Variants in PTPDC1 observed in about 807,000 individuals in gnomAD.
PTPDC1 encodes the protein protein tyrosine phosphatase domain containing 1, also known as protein tyrosine phosphatase domain-containing protein 1.
In PTPDC1, 53 loss-of-function variants were observed where a neutral mutation model predicts 75.3. The ratio of observed to expected loss-of-function variants is 0.70; its 90% confidence interval spans 0.56 to 0.88. The LOEUF (loss-of-function observed/expected upper bound fraction) is 0.88. Ranked by LOEUF, PTPDC1 falls within the 40% of genes least tolerant of loss-of-function variation. The pLI is 0.00. For missense variants in PTPDC1, 925 were observed against 998.6 expected, an observed-to-expected ratio of 0.93 and a Z score of 0.99; for synonymous variants, 349 against 366.2, an observed-to-expected ratio of 0.95 and a Z score of 0.54.
intron 1 of PTPDC1, among the ~76,000 whole-genome samples, chr9:94,061,394 G>A (rs1160110704): frequency 1.3e-5 from 2 of 152,172 alleles, no homozygotes; most frequent in Admixed American, 1.3e-4. Context: ...GTCATTCCAG[G>A]GTCTGGAAGA....
At position 94,098,538 on chromosome 9, in the gene PTPDC1, G is replaced by A. The variant is rs61755091; in HGVS notation, c.1972G>A (p.Val658Ile). 8.2e-3 allele frequency: 13,210 copies of A among 1,614,030 alleles called. 62 individuals are homozygous for A. The highest frequency in any genetic ancestry group is 0.012 in the Middle Eastern group (73 of 6,062). ...AKALANLNES[V>I]EKEELKRKVE... ...AGCCCTAGCAAATTTAAATGAATCT[G>A]TAGAAAAGGAGGAACTAAAAAGGAA... Residue 658 changes from valine (V) to isoleucine (I), a missense_variant, in exon 6 of 9, where the codon GTA (valine) becomes ATA (isoleucine). By Grantham distance (29) the Val-to-Ile change is conservative (BLOSUM62 3). Transcript: ENST00000620992.
intron 4 of PTPDC1, among the ~76,000 whole-genome samples, chr9:94,091,139 A>AG (rs1203583279): frequency 4.0e-5 from 6 of 151,100 alleles, no homozygotes; most frequent in Admixed American, 2.0e-4. Context: ...GTGGTGAGAG[A>AG]GGGCATCCCT....
intron 1 of PTPDC1, among the ~76,000 whole-genome samples, chr9:94,045,571 G>A (rs1825571454): frequency 6.6e-6 from 1 of 152,046 alleles, no homozygotes; most frequent in Non-Finnish European, 1.5e-5. Flanking sequence ...TTGTGGTTTT[G>A]ATTTGCATTT....
At chr9:94,106,271 G>A (rs1828021229) in intron 8 of PTPDC1, among the ~76,000 whole-genome samples, 1 of 152,198 alleles carries the variant, frequency 6.6e-6, no homozygotes, top group Non-Finnish European at 1.5e-5. Flanking sequence ...CAGATGCCCT[G>A]ACCACTCTCT....
At chr9:94,034,533 GA>G (rs1825203554) in intron 1 of PTPDC1, among the ~76,000 whole-genome samples, 1 of 151,924 alleles carries the variant, frequency 6.6e-6, no homozygotes, top group Non-Finnish European at 1.5e-5. Context: ...CTCTGTCTCA[GA>G]AAAAACCAAA....
intron 2 of PTPDC1, 78 bp downstream of exon 2, chr9:94,085,500 G>A: frequency 1.3e-6 from 2 of 1,504,662 alleles, no homozygotes; most frequent in Admixed American, 1.8e-5. Flanking sequence ...GCCCTGAAGT[G>A]TGGGAGGAGC....
rs549331392 is a variant in PTPDC1, at chr9:94,049,291, G to C, written c.-6-15443G>C. ...CTGGTTATTTTGCTCGTTAGTTGAT[G>C]CATTTTCTTCCTAGCCTTGATGGTC... On this transcript the variant is annotated intron_variant, in intron 1 of 9. Transcript: ENST00000375360. Among the ~76,000 whole-genome samples, 302 of 152,260 alleles carry C rather than the reference G, an allele frequency of 2.0e-3. 1 individual carries two copies. Among genetic ancestry groups the C allele is most frequent in the Middle Eastern group, 6.8e-3 (2 of 294 alleles).
At position 94,104,337 on chromosome 9, in the gene PTPDC1, G is replaced by A; in HGVS notation, c.2262G>A (p.Val754=). The part of the protein sequence containing the change: ...HCIVNLQTIP[V]DVEEAFLAHA... The stretch of plus-strand genomic sequence containing the variant: ...TAGTGAACCTGCAGACAATTCCCGT[G>A]GATGTGGAGGAAGCTTTCCTTGCCC... The change falls in exon 8 of 9, where the codon GTG becomes GTA. Residue 754 remains valine (V), a synonymous_variant. Coordinates refer to ENST00000620992, the MANE Select transcript of PTPDC1 (RefSeq NM_001253829.2). 6.2e-7 allele frequency: 1 copy of A among 1,613,892 alleles called. No homozygotes were observed. Among genetic ancestry groups the A allele is most frequent in the Non-Finnish European group, 8.5e-7 (1 of 1,179,816 alleles).
chr9:94,040,936 T>C (rs1374285656), intron 1 of PTPDC1, among the ~76,000 whole-genome samples: 1 of 152,242 alleles, frequency 6.6e-6, no homozygotes, highest in Non-Finnish European at 1.5e-5. Flanking sequence ...TGATACTTTA[T>C]ATCAGTGGCC....
At chr9:94,061,175 T>C (rs982426288) in intron 1 of PTPDC1, among the ~76,000 whole-genome samples, 4 of 152,212 alleles carry the variant, frequency 2.6e-5, no homozygotes, top group African/African-American at 4.8e-5. Context: ...ACAAGCTCCA[T>C]GCAAGTCTGA....
chr9:94,037,993 G>C (rs1825322595), intron 1 of PTPDC1: 2 of 324,090 alleles, frequency 6.2e-6, no homozygotes, highest in African/African-American at 2.2e-5. Context: ...TTCGGGGTAG[G>C]AACCTTCGTT....
Position 94,084,536 on chromosome 9 carries a change from G to A in PTPDC1, c.6G>A (p.Gln2=). 2.5e-6 allele frequency: 4 copies of A among 1,611,064 alleles called. No individual in the cohort carries two copies. The South Asian group carries it at 4.4e-5, about 18-fold the overall frequency. ...GGCTCTTGCCTCCCAGTGCCATGCA[G>A]GTGCAGGATGCAACCAGGCGGCCCT... The part of the protein sequence containing the change: M[Q]VQDATRRPSA... The change falls in exon 1 of 9, where the codon CAG becomes CAA. Residue 2 remains glutamine (Q), a synonymous_variant. Transcript: ENST00000620992.
intron 1 of PTPDC1, among the ~76,000 whole-genome samples, chr9:94,042,775 CT>C (rs1825463923): frequency 1.3e-5 from 2 of 152,182 alleles, no homozygotes; most frequent in Non-Finnish European, 2.9e-5. Flanking sequence ...TTTGATAGCA[CT>C]TTGCCCACAG....
intron 4 of PTPDC1, among the ~76,000 whole-genome samples, 184 bp from the exon 5 acceptor site, chr9:94,095,133 T>A (rs72621404): frequency 0.049 from 7,423 of 152,338 alleles, 253 homozygotes; most frequent in East Asian, 0.15. Context: ...ACATAAAATG[T>A]GCTTTGTGAG....
At chr9:94,085,194 G>A in intron 1 of PTPDC1, 57 bp from the exon 2 acceptor site, 1 of 1,472,736 alleles carries the variant, frequency 6.8e-7, no homozygotes, top group Non-Finnish European at 9.4e-7. Flanking sequence ...TATTTCCCAT[G>A]TTACAATTTC....
At chr9:94,107,427 C>T (rs575869194) in intron 8 of PTPDC1, among the ~76,000 whole-genome samples, 4 of 152,330 alleles carry the variant, frequency 2.6e-5, no homozygotes, top group African/African-American at 9.6e-5. Flanking sequence ...ATTCAGGTCA[C>T]TCTGACCCTG....
rs140944013 is a variant in PTPDC1 at position 94,063,395 on chromosome 9, C to T, written c.-6-1339C>T. Reference sequence around the variant, plus strand: ...GTTTTTGCTAATGAATTTCCTGGAACAACTTGTTCCATTAGTCCCTTTACT... The same window carrying T: ...GTTTTTGCTAATGAATTTCCTGGAATAACTTGTTCCATTAGTCCCTTTACT... On this transcript the variant is annotated intron_variant, in intron 1 of 9. Transcript: ENST00000375360. 1.7e-3 allele frequency among the ~76,000 whole-genome samples: 252 copies of T among 152,318 alleles called. 1 individual carries two copies. The highest frequency in any genetic ancestry group is 5.8e-3 in the African/African-American group (240 of 41,570).
chr9:94,088,280 C>G lies in PTPDC1; in HGVS notation c.616+17C>G. On this transcript the variant is annotated intron_variant, in intron 4 of 8. Coordinates refer to ENST00000620992, the MANE Select transcript of PTPDC1 (RefSeq NM_001253829.2). ...AGGCTGGCAGTAAGTTCCTCCCACC[C>G]TCCTCTCATGAATTATCAAGGGCAG... is the stretch of plus-strand genomic sequence containing the variant. 6.2e-7 allele frequency: 1 copy of G among 1,611,890 alleles called. No homozygotes were observed. Among genetic ancestry groups the G allele is most frequent in the Non-Finnish European group, 8.5e-7 (1 of 1,179,324 alleles).
intron 1 of PTPDC1, among the ~76,000 whole-genome samples, chr9:94,057,964 A>G (rs7851301): frequency 0.021 from 3,131 of 152,316 alleles, 108 homozygotes; most frequent in African/African-American, 0.072. Context: ...GACAACATAT[A>G]TAATAAAATA....
Sources: allele counts gnomAD v4.1 joint callset (sites outside exome capture counted in the v4.1 genomes callset), GRCh38; gene constraint gnomAD v4.1.1; transcripts MANE v1.5; gene names NCBI Gene and HGNC (gene_info 2026-07-23, HGNC 2026-07-21).